Variants in RALYL observed in about 807,000 individuals in gnomAD.
The protein encoded by RALYL is RALY RNA binding protein like.
A neutral mutation model predicts 35.1 loss-of-function variants in RALYL; 29 were observed. The observed-to-expected ratio is 0.83, with a 90% confidence interval of 0.61 to 1.13. RALYL has a LOEUF of 1.13. Among genes scored for constraint, RALYL ranks in the 50% most tolerant of loss-of-function variants. The pLI is 0.00. For missense variants in RALYL, 359 were observed against 360.4 expected (o/e 1.00, Z 0.03); for synonymous variants, 120 against 127.6 (o/e 0.94, Z 0.40).
At chr8:84,435,295 C>T (rs962975892) in intron 1 of RALYL, among the ~76,000 whole-genome samples, 15 of 152,108 alleles carry the variant, frequency 9.9e-5, no homozygotes, top group Admixed American at 9.8e-4. Context: ...ATGTGATTCC[C>T]TTCTCTAAAA....
intron 1 of RALYL, among the ~76,000 whole-genome samples, chr8:84,262,318 A>G (rs116940081): frequency 0.019 from 2,892 of 152,276 alleles, 42 homozygotes; most frequent in South Asian, 0.031. Flanking sequence ...TCACAATGGA[A>G]ACTCAAAATA....
intron 2 of RALYL, among the ~76,000 whole-genome samples, chr8:84,708,827 T>TA (rs527310649): frequency 6.9e-4 from 105 of 152,274 alleles, no homozygotes; most frequent in African/African-American, 2.3e-3. Context: ...GGTACATTTT[T>TA]AAAAAATGAA....
At chr8:84,335,536 CAA>C (rs1256797798) in intron 1 of RALYL, among the ~76,000 whole-genome samples, 1 of 151,834 alleles carries the variant, frequency 6.6e-6, no homozygotes, top group Non-Finnish European at 1.5e-5. Context: ...GTGGGGGACA[CAA>C]ATCAAATTTT....
intron 1 of RALYL, among the ~76,000 whole-genome samples, chr8:84,237,576 C>A (rs575861594): frequency 2.0e-5 from 3 of 152,086 alleles, no homozygotes; most frequent in Admixed American, 2.0e-4. Context: ...CTATTGACAA[C>A]AACAACAATA....
chr8:84,733,281 T>C (rs1317503841), intron 2 of RALYL, among the ~76,000 whole-genome samples: 1 of 152,156 alleles, frequency 6.6e-6, no homozygotes, highest in Non-Finnish European at 1.5e-5. Flanking sequence ...GTCATCAGCA[T>C]CTGTCATTTG....
intron 1 of RALYL, among the ~76,000 whole-genome samples, chr8:84,422,208 T>G (rs1254760087): frequency 3.2e-5 from 4 of 123,794 alleles, no homozygotes; most frequent in Non-Finnish European, 5.0e-5. Context: ...AACTATTGAT[T>G]ATTGCCACAA....
chr8:84,697,796 G>A (rs1298536582), intron 2 of RALYL, among the ~76,000 whole-genome samples: 1 of 151,910 alleles, frequency 6.6e-6, no homozygotes, highest in Non-Finnish European at 1.5e-5. Context: ...GTGTCCATAT[G>A]TTCTCATCAT....
rs187566180 is a variant in RALYL at position 84,267,108 on chromosome 8, G to C, written c.-24+82684G>C. 3.7e-4 allele frequency among the ~76,000 whole-genome samples: 57 copies of C among 152,272 alleles called. 2 individuals are homozygous for C. The highest frequency in any genetic ancestry group is 3.5e-3 in the Admixed American group (53 of 15,298). ...CATTATTCACTCCCAGAGCAGATCT[G>C]CAGGAATCTTAACAGGAAAGGGCAG... On this transcript the variant is annotated intron_variant, in intron 1 of 8. Transcript: ENST00000521268.
intron 1 of RALYL, among the ~76,000 whole-genome samples, chr8:84,272,418 G>C (rs1248163274): frequency 6.6e-6 from 1 of 152,106 alleles, no homozygotes; most frequent in Non-Finnish European, 1.5e-5. Flanking sequence ...TTAATTGAAA[G>C]AGAGACATTG....
At chr8:84,363,738 G>A (rs1349667349) in intron 1 of RALYL, among the ~76,000 whole-genome samples, 3 of 152,124 alleles carry the variant, frequency 2.0e-5, no homozygotes, top group African/African-American at 7.2e-5. Context: ...TCATGCTGGG[G>A]ACATTTTCCA....
intron 6 of RALYL, among the ~76,000 whole-genome samples, chr8:84,869,675 GAC>G (rs1839840894): frequency 6.6e-6 from 1 of 152,110 alleles, no homozygotes; most frequent in Non-Finnish European, 1.5e-5. Context: ...AATGTCTCCA[GAC>G]ACAGCAGAAT....
intron 2 of RALYL, among the ~76,000 whole-genome samples, chr8:84,635,539 G>T (rs1400014645): frequency 1.3e-5 from 2 of 151,610 alleles, no homozygotes; most frequent in African/African-American, 4.8e-5. Context: ...CAGTTCTACT[G>T]ACATTACATT....
At chr8:84,217,876 T>C (rs1821204550) in intron 1 of RALYL, among the ~76,000 whole-genome samples, 1 of 152,130 alleles carries the variant, frequency 6.6e-6, no homozygotes, top group African/African-American at 2.4e-5. Flanking sequence ...TAGTTTTAAG[T>C]ATTGTTTTAA....
intron 2 of RALYL, among the ~76,000 whole-genome samples, chr8:84,688,259 A>T (rs1430535843): frequency 6.6e-6 from 1 of 152,126 alleles, no homozygotes; most frequent in Non-Finnish European, 1.5e-5. Context: ...TCCATAATCT[A>T]GAATGTTAGG....
chr8:84,874,692 G>A (rs1465300399), intron 7 of RALYL, among the ~76,000 whole-genome samples: 1 of 152,198 alleles, frequency 6.6e-6, no homozygotes, highest in Admixed American at 6.5e-5. Context: ...AGGTGGTAGT[G>A]TAGCATAATG....
intron 3 of RALYL, among the ~76,000 whole-genome samples, chr8:84,804,241 T>C (rs1824058703): frequency 6.6e-6 from 1 of 152,178 alleles, no homozygotes; most frequent in South Asian, 2.1e-4. Context: ...ACCAAGTTTT[T>C]AGAAGCACAA....
At chr8:84,675,132 T>C (rs1401680875) in intron 2 of RALYL, among the ~76,000 whole-genome samples, 1 of 152,162 alleles carries the variant, frequency 6.6e-6, no homozygotes, top group Non-Finnish European at 1.5e-5. Context: ...TCCAATTCCA[T>C]GCTGTTTGAG....
intron 2 of RALYL, among the ~76,000 whole-genome samples, chr8:84,682,745 G>A (rs185957329): frequency 0.01 from 1,563 of 151,718 alleles, 33 homozygotes; most frequent in African/African-American, 0.035. Context: ...TTCTTTATTA[G>A]TCTTGCTAGC....
At position 84,506,718 on chromosome 8, in the gene RALYL, CT is replaced by C. The variant is rs150154934; in HGVS notation, c.-23-22579del. Among the ~76,000 whole-genome samples, 688 of 151,854 alleles carry C rather than the reference CT, an allele frequency of 4.5e-3. 15 individuals are homozygous for C. In the East Asian group the frequency reaches 0.066, roughly 15 times the overall value. ...TAAATTATTTAGCATATTAAGAAAT[CT>C]TCATAATATCCCTGTACTGAGTTTA... On this transcript the variant is annotated intron_variant, in intron 1 of 8. Transcript: ENST00000521268.
Sources: gnomAD v4.1 joint callset for allele counts (sites outside exome capture counted in the v4.1 genomes callset) on GRCh38, gnomAD v4.1.1 for gene constraint, MANE v1.5 for transcripts, NCBI Gene and HGNC (gene_info 2026-07-23, HGNC 2026-07-21) for gene names.